Variants in CLCN3 observed in about 807,000 individuals in gnomAD.
CLCN3 encodes H(+)/Cl(-) exchange transporter 3.
CLCN3 carries 16 observed loss-of-function variants against 83.4 expected under a neutral mutation model. The observed-to-expected ratio is 0.19, with a 90% CI of 0.13 to 0.29. CLCN3 has a LOEUF of 0.29. Among genes scored for constraint, CLCN3 ranks in the 10% least tolerant of loss-of-function variants. The pLI is 1.00. For synonymous variants in CLCN3, 322 were observed against 346.2 expected (o/e 0.93, Z 0.78); for missense variants, 544 against 1,006.0 (o/e 0.54, Z 6.21).
intron 1 of CLCN3, among the ~76,000 whole-genome samples, chr4:169,634,314 T>C (rs1773452695): frequency 1.3e-5 from 2 of 152,232 alleles, no homozygotes; most frequent in Non-Finnish European, 2.9e-5. Context: ...CCTTCTATTC[T>C]GTAAAGAAAT....
intron 2 of CLCN3, among the ~76,000 whole-genome samples, chr4:169,674,814 A>G (rs1398511642): frequency 6.6e-6 from 1 of 152,058 alleles, no homozygotes; most frequent in Non-Finnish European, 1.5e-5. Context: ...GCATTGGCGC[A>G]ATCACAGCCC....
chr4:169,653,600 C>T lies in CLCN3; in HGVS notation c.160+17512C>T, dbSNP rs183449150. ...AGGTTGCAGTGAGCCTAGATCATGC[C>T]ACCGCATTCCAGGCTGGGTGACAGA... On this transcript the variant is annotated intron_variant, in intron 2 of 12. Coordinates refer to ENST00000513761, the MANE Select transcript of CLCN3 (RefSeq NM_001829.4). Among the ~76,000 whole-genome samples, 289 of 136,594 alleles carry T rather than the reference C, an allele frequency of 2.1e-3. 1 individual carries two copies. Among genetic ancestry groups the T allele is most frequent in the African/African-American group, 7.6e-3 (277 of 36,334 alleles). The allele number at this position is 136,594 out of a possible 152,430, so 89.6% of individuals were successfully genotyped here.
chr4:169,667,785 G>T (rs775165183), intron 2 of CLCN3, among the ~76,000 whole-genome samples: 2 of 147,324 alleles, frequency 1.4e-5, no homozygotes, highest in East Asian at 3.9e-4. Context: ...TCGCTCTGTC[G>T]CCCAGGTTGG....
intron 1 of CLCN3, among the ~76,000 whole-genome samples, chr4:169,632,946 A>G (rs1773415920): frequency 1.3e-5 from 2 of 152,240 alleles, no homozygotes; most frequent in South Asian, 4.1e-4. Context: ...TTGCACGTAG[A>G]TAATATAGGA....
At chr4:169,673,122 G>A (rs934971185) in intron 2 of CLCN3, among the ~76,000 whole-genome samples, 1 of 152,084 alleles carries the variant, frequency 6.6e-6, no homozygotes, top group African/African-American at 2.4e-5. Flanking sequence ...CCCAGTTTAG[G>A]ATAGAAATTT....
In CLCN3 at chr4:169,713,287, T is replaced by C; in HGVS notation, c.2358T>C (p.Thr786=). 6.2e-7 allele frequency: 1 copy of C among 1,610,168 alleles called. No homozygotes were observed. The highest frequency in any genetic ancestry group is 8.5e-7 in the Non-Finnish European group (1 of 1,176,396). The change falls in exon 12 of 13, where the codon ACT becomes ACC. Residue 786 remains threonine (T), a synonymous_variant. Transcript: ENST00000513761. ...TGGGACTGAGGCAGTGCCTTGTAAC[T>C]CACAATGGGTAAGTCTGGTACCACA... ...RKLGLRQCLV[T]HNGRLLGIIT... is the part of the protein sequence containing the mutation.
At chr4:169,703,675 C>CTTTTTTTTTTT (rs1215741103) in intron 9 of CLCN3, among the ~76,000 whole-genome samples, 3 of 123,354 alleles carry the variant, frequency 2.4e-5, no homozygotes. Context: ...TTTTTTTTTT[C>CTTTTTTTTTTT]TTTTTTTTTT....
intron 2 of CLCN3, chr4:169,660,134 C>T: frequency 9.1e-7 from 1 of 1,102,752 alleles, no homozygotes; most frequent in Non-Finnish European, 1.1e-6. Context: ...GCTGTGCCGC[C>T]TCTAAGCCTT....
At chr4:169,672,064 T>C (rs1361186939) in intron 2 of CLCN3, among the ~76,000 whole-genome samples, 6 of 151,570 alleles carry the variant, frequency 4.0e-5, no homozygotes, top group Non-Finnish European at 7.4e-5. Context: ...AAAAAAAAAT[T>C]AGCCGGGCGT....
intron 9 of CLCN3, among the ~76,000 whole-genome samples, chr4:169,700,634 T>A (rs1427226079): frequency 6.6e-6 from 1 of 152,182 alleles, no homozygotes; most frequent in Non-Finnish European, 1.5e-5. Context: ...TTAAATTTAA[T>A]CAATAAATAT....
intron 8 of CLCN3, among the ~76,000 whole-genome samples, chr4:169,696,344 GT>G (rs1239384376): frequency 6.6e-6 from 1 of 151,950 alleles, no homozygotes; most frequent in Non-Finnish European, 1.5e-5. Flanking sequence ...GGATTATTTT[GT>G]TTTTGTTTTC....
At chr4:169,633,170 G>A (rs1014113971) in intron 1 of CLCN3, among the ~76,000 whole-genome samples, 1 of 151,820 alleles carries the variant, frequency 6.6e-6, no homozygotes, top group Non-Finnish European at 1.5e-5. Flanking sequence ...CTGCCACCAC[G>A]CCCGGCTAAT....
rs527773829 is a variant in CLCN3, at chr4:169,659,259, T to G, written c.161-20791T>G. Among the ~76,000 whole-genome samples, 4 of 152,298 alleles carry G rather than the reference T, an allele frequency of 2.6e-5. No individual in the cohort carries two copies. In the South Asian group the frequency reaches 8.3e-4, roughly 32 times the overall value. On this transcript the variant is annotated intron_variant, in intron 2 of 12. Coordinates refer to ENST00000513761, the MANE Select transcript of CLCN3 (RefSeq NM_001829.4). Reference sequence around the variant, plus strand: ...AGCTATAAAATATTGAACTCTGATCTTCAATAAGCATTGTGCGGTTTTTGT... The same window carrying G: ...AGCTATAAAATATTGAACTCTGATCGTCAATAAGCATTGTGCGGTTTTTGT...
At chr4:169,702,621 A>C (rs1732832103) in intron 9 of CLCN3, among the ~76,000 whole-genome samples, 1 of 152,122 alleles carries the variant, frequency 6.6e-6, no homozygotes, top group Admixed American at 6.6e-5. Context: ...ACTCTCAAAA[A>C]AAAGTCACGT....
chr4:169,678,956 C>T (rs1731793866), intron 2 of CLCN3, among the ~76,000 whole-genome samples: 1 of 152,226 alleles, frequency 6.6e-6, no homozygotes, highest in Admixed American at 6.5e-5. Flanking sequence ...GGCGGCCAGG[C>T]AGAGGGGCTC....
chr4:169,674,758 CT>C (rs969905121), intron 2 of CLCN3, among the ~76,000 whole-genome samples: 4 of 148,992 alleles, frequency 2.7e-5, no homozygotes, highest in African/African-American at 2.5e-5. Flanking sequence ...CCAAGGTACA[CT>C]TTTTTTTTTG....
At chr4:169,660,326 GCTTTTT>G (rs1303004881) in intron 2 of CLCN3, 13 of 1,375,002 alleles carry the variant, frequency 9.5e-6, no homozygotes, top group Non-Finnish European at 1.0e-5. Flanking sequence ...AAGCTAGCAA[GCTTTTT>G]CTTTTTCTTT....
At chr4:169,655,941 T>G (rs1730869944) in intron 2 of CLCN3, among the ~76,000 whole-genome samples, 1 of 152,228 alleles carries the variant, frequency 6.6e-6, no homozygotes. Context: ...ACCATTTTGT[T>G]TTTTCCATTT....
At chr4:169,666,006 G>A (rs1731232292) in intron 2 of CLCN3, among the ~76,000 whole-genome samples, 1 of 150,650 alleles carries the variant, frequency 6.6e-6, no homozygotes, top group Non-Finnish European at 1.5e-5. Context: ...GTTCAGTTCA[G>A]CAAATATATG....
Sources: allele counts gnomAD v4.1 joint callset (sites outside exome capture counted in the v4.1 genomes callset), GRCh38; gene constraint gnomAD v4.1.1; transcripts MANE v1.5; gene names NCBI Gene and HGNC (gene_info 2026-07-23, HGNC 2026-07-21).